ITPRID1: variants seen among roughly 807,000 people sequenced by gnomAD.
The protein encoded by ITPRID1 is ITPR interacting domain containing 1, also known as protein ITPRID1.
ITPRID1 carries 96 observed loss-of-function variants against 95.4 expected under a neutral mutation model. That is an observed-to-expected ratio of 1.01 (90% confidence interval 0.85 to 1.19). ITPRID1 has a LOEUF of 1.19. Ranked by LOEUF, ITPRID1 falls within the 50% of genes most tolerant of loss-of-function variation. The pLI is 0.00. For missense variants in ITPRID1, 1,339 were observed against 1,252.9 expected (o/e 1.07, Z -1.04); for synonymous variants, 510 against 453.6 (o/e 1.12, Z -1.58).
chr7:31,637,070 A>T (rs1034807715), intron 10 of ITPRID1, among the ~76,000 whole-genome samples: 7 of 151,740 alleles, frequency 4.6e-5, no homozygotes, highest in African/African-American at 9.7e-5. Context: ...TGAATTCATC[A>T]TTTTTTTATG....
chr7:31,545,952 C>T (rs1004905293), intron 1 of ITPRID1, among the ~76,000 whole-genome samples: 9 of 151,984 alleles, frequency 5.9e-5, no homozygotes. Context: ...ATCTTCCAAA[C>T]CTTTGAGTAA....
chr7:31,656,592 T>A, downstream of ITPRID1: 1 of 530,854 alleles, frequency 1.9e-6, no homozygotes, highest in Non-Finnish European at 2.4e-6. Flanking sequence ...ATGAATGAGA[T>A]GAGGATAAAT....
At chr7:31,621,314 C>A in intron 10 of ITPRID1, among the ~76,000 whole-genome samples, 1 of 122,400 alleles carries the variant, frequency 8.2e-6, no homozygotes, top group East Asian at 2.5e-4. Flanking sequence ...GTCAGATTCA[C>A]CAAAGTTGAA....
At chr7:31,569,880 T>C in intron 6 of ITPRID1, 71 bp downstream of exon 6, 1 of 1,332,308 alleles carries the variant, frequency 7.5e-7, no homozygotes, top group Non-Finnish European at 1.0e-6. Context: ...AAAATAGAAG[T>C]AGGGAAGTTT....
At chr7:31,528,096 C>T (rs940557363) in intron 1 of ITPRID1, among the ~76,000 whole-genome samples, 3 of 152,132 alleles carry the variant, frequency 2.0e-5, no homozygotes, top group African/African-American at 7.2e-5. Flanking sequence ...AAATTGATTT[C>T]CCCAAGGTAA....
chr7:31,651,109 A>G, intron 12 of ITPRID1, 33 bp from the exon 13 acceptor site: 1 of 1,602,894 alleles, frequency 6.2e-7, no homozygotes, highest in Non-Finnish European at 8.5e-7. Context: ...ATCAGAGAGG[A>G]CTTTCTTCTC....
rs1231042795 is a variant in ITPRID1 at position 31,655,367 on chromosome 7, A to AG, written c.*2539dup. Among the ~76,000 whole-genome samples, 5 of 152,152 alleles carry AG rather than the reference A, an allele frequency of 3.3e-5. No individual in the cohort carries two copies. The highest frequency in any genetic ancestry group is 1.2e-4 in the African/African-American group (5 of 41,432). Reference sequence around the variant, plus strand: ...CAAAATACCTCCCAGAAGTTTCCTCAGAACGAATTACCTGGCGACAGTGCA... The same window carrying AG: ...CAAAATACCTCCCAGAAGTTTCCTCAGGAACGAATTACCTGGCGACAGTGCA... On this transcript the variant is annotated 3_prime_UTR_variant, in exon 15 of 15. Transcript: ENST00000615280.
intron 10 of ITPRID1, among the ~76,000 whole-genome samples, chr7:31,631,804 T>C (rs1032956626): frequency 2.6e-5 from 4 of 152,260 alleles, no homozygotes; most frequent in African/African-American, 9.6e-5. Context: ...GAGACTCTTC[T>C]GCCTGAGACT....
At chr7:31,534,333 A>T (rs1783692566) in intron 1 of ITPRID1, among the ~76,000 whole-genome samples, 1 of 152,198 alleles carries the variant, frequency 6.6e-6, no homozygotes, top group Admixed American at 6.5e-5. Flanking sequence ...ATTCTTTCTG[A>T]ATATCTATCT....
rs35796110 is a variant in ITPRID1, at chr7:31,647,507, CAAA to C, written c.2583+3569_2583+3571del. ...CAAAACCCCGTCTCCATTAAAACTA[CAAA>C]AAAAAAAAAAAAAATTAACTGGGTG... On this transcript the variant is annotated intron_variant, in intron 12 of 14. Transcript: ENST00000615280. Among the ~76,000 whole-genome samples, 790 of 139,762 alleles carry C rather than the reference CAAA, an allele frequency of 5.7e-3. 2 individuals are homozygous for C. The highest frequency in any genetic ancestry group is 0.024 in the East Asian group (112 of 4,734). 91.7% of individuals were successfully genotyped at this position (139,762 alleles called of 152,430 possible).
rs139334723 is a variant in ITPRID1, at chr7:31,581,323, A to G, written c.1171-1811A>G. 1.6e-3 allele frequency among the ~76,000 whole-genome samples: 239 copies of G among 152,232 alleles called. 1 individual carries two copies. Among genetic ancestry groups the G allele is most frequent in the East Asian group, 0.014 (72 of 5,176 alleles). On this transcript the variant is annotated intron_variant, in intron 9 of 14. Transcript: ENST00000615280. ...ATAATTTCAACAAAATTGTGCATAG[A>G]TTTTTTAATGGAAAAATCAACATAT...
At chr7:31,568,213 G>A (rs1240450264) in intron 5 of ITPRID1, among the ~76,000 whole-genome samples, 3 of 151,896 alleles carry the variant, frequency 2.0e-5, no homozygotes, top group East Asian at 3.9e-4. Flanking sequence ...CCATTTAACA[G>A]GGTCACTAAG....
At chr7:31,658,389 G>A, downstream of ITPRID1, 1 of 1,495,400 alleles carries the variant, frequency 6.7e-7, no homozygotes, top group Non-Finnish European at 8.8e-7. Flanking sequence ...CTGGTCTGTT[G>A]TAATTGTTTT....
At chr7:31,535,948 A>G (rs1199670310) in intron 1 of ITPRID1, among the ~76,000 whole-genome samples, 1 of 152,046 alleles carries the variant, frequency 6.6e-6, no homozygotes, top group Non-Finnish European at 1.5e-5. Flanking sequence ...AAGTTTGACT[A>G]TGGTGTGACT....
At position 31,639,536 on chromosome 7, in the gene ITPRID1, TTG is replaced by T. The variant is rs1373033260; in HGVS notation, c.1229-2638_1229-2637del. ...TAGTTTTTCTTTTGTTTGTTTGTTT[TTG>T]TTTTTTTTTTTTTTTTGAGATGGAG... On this transcript the variant is annotated intron_variant, in intron 10 of 14. Transcript: ENST00000615280. Among the ~76,000 whole-genome samples, 22 of 21,346 alleles carry T rather than the reference TTG, an allele frequency of 1.0e-3. 1 individual carries two copies. Among genetic ancestry groups the T allele is most frequent in the East Asian group, 4.3e-3 (2 of 466 alleles). 14.0% of individuals were successfully genotyped at this position (21,346 alleles called of 152,430 possible).
At chr7:31,593,004 AT>A (rs1785931821) in intron 10 of ITPRID1, among the ~76,000 whole-genome samples, 1 of 152,224 alleles carries the variant, frequency 6.6e-6, no homozygotes, top group South Asian at 2.1e-4. Flanking sequence ...TCAAAATTTC[AT>A]TTAAGAATTA....
intron 10 of ITPRID1, among the ~76,000 whole-genome samples, chr7:31,625,829 A>AAAT (rs1788416961): frequency 6.8e-6 from 1 of 147,910 alleles, no homozygotes; most frequent in Admixed American, 6.7e-5. Flanking sequence ...CTTTTTTTTT[A>AAAT]AATTTTTTCT....
At chr7:31,565,171 A>G (rs764465509) in intron 5 of ITPRID1, among the ~76,000 whole-genome samples, 11 of 152,342 alleles carry the variant, frequency 7.2e-5, no homozygotes, top group Non-Finnish European at 7.3e-5. Context: ...ATGATCAGGA[A>G]GTAAACTCAC....
chr7:31,516,124 G>A (rs1293051976), intron 1 of ITPRID1, among the ~76,000 whole-genome samples: 1 of 152,136 alleles, frequency 6.6e-6, no homozygotes. Context: ...GTGAATCACA[G>A]AGACACATAG....
Sources: allele counts gnomAD v4.1 joint callset (sites outside exome capture counted in the v4.1 genomes callset), GRCh38; gene constraint gnomAD v4.1.1; transcripts MANE v1.5; gene names NCBI Gene and HGNC (gene_info 2026-07-23, HGNC 2026-07-21).